Variants in TNNI3K observed in about 807,000 individuals in gnomAD.
TNNI3K encodes the protein serine/threonine-protein kinase TNNI3K.
A neutral mutation model predicts 114.5 loss-of-function variants in TNNI3K; 140 were observed. The ratio of observed to expected loss-of-function variants is 1.22; its 90% CI spans 1.07 to 1.41. TNNI3K has a LOEUF of 1.41. TNNI3K is among the 40% of genes most tolerant of loss of function. The pLI is 0.00. For missense variants in TNNI3K, 1,125 were observed against 1,007.6 expected (o/e 1.12, Z -1.58); for synonymous variants, 347 against 347.5 (o/e 1.00, Z 0.02).
chr1:74,267,367 C>T (rs1040968878), intron 4 of TNNI3K, among the ~76,000 whole-genome samples: 4 of 151,868 alleles, frequency 2.6e-5, no homozygotes, highest in African/African-American at 9.7e-5. Context: ...TATGTCCTCT[C>T]AAGTTTTTCC....
intron 9 of TNNI3K, among the ~76,000 whole-genome samples, chr1:74,351,984 C>T (rs565980400): frequency 2.0e-4 from 31 of 152,284 alleles, no homozygotes; most frequent in South Asian, 1.5e-3. Context: ...AGTCATTTTC[C>T]GTCCAGCTTT....
At chr1:74,523,891 A>G (rs1646467347) in intron 23 of TNNI3K, among the ~76,000 whole-genome samples, 2 of 152,130 alleles carry the variant, frequency 1.3e-5, no homozygotes, top group East Asian at 3.9e-4. Context: ...TGTCATCTAC[A>G]TTAAACATTT....
At chr1:74,500,495 T>C (rs1669561811) in intron 23 of TNNI3K, among the ~76,000 whole-genome samples, 1 of 149,880 alleles carries the variant, frequency 6.7e-6, no homozygotes, top group African/African-American at 2.4e-5. Flanking sequence ...TCCCAGCTAC[T>C]TGGGAGGCTG....
intron 21 of TNNI3K, chr1:74,483,199 G>A (rs1230137334): frequency 1.1e-5 from 8 of 707,900 alleles, no homozygotes; most frequent in Admixed American, 8.1e-5. Context: ...TACAATGAAA[G>A]GTATGGCAAC....
chr1:74,345,236 G>A (rs898144362), intron 9 of TNNI3K, among the ~76,000 whole-genome samples: 1 of 152,008 alleles, frequency 6.6e-6, no homozygotes, highest in Non-Finnish European at 1.5e-5. Context: ...CACTGAGATG[G>A]TAGTTTTTTT....
intron 21 of TNNI3K, chr1:74,480,203 G>T: frequency 1.4e-6 from 1 of 717,482 alleles, no homozygotes; most frequent in South Asian, 1.5e-5. Flanking sequence ...TGGGAGGAGG[G>T]GACTTCTGTC....
Position 74,492,222 on chromosome 1 carries a change from G to C in TNNI3K, c.2307G>C (p.Leu769Phe). ...CAGCATTAAGAAGTCGTTTCGAATTGGAATATGCTCTAAATGCAAGGTCCT... is the reference window on the plus strand; with the variant it reads ...CAGCATTAAGAAGTCGTTTCGAATTCGAATATGCTCTAAATGCAAGGTCCT... ...HVAALRSRFE[L>F]EYALNARSYA... Residue 769 changes from leucine (L) to phenylalanine (F), a missense_variant, in exon 23 of 25, where the codon TTG (leucine) becomes TTC (phenylalanine). Physicochemically the swap from Leu to Phe is conservative, Grantham distance 22. Transcript: ENST00000326637. The C allele has an allele frequency of 2.5e-6, 4 of 1,612,362 alleles. No homozygotes were observed. In the South Asian group the frequency reaches 4.4e-5, roughly 18 times the overall value.
intron 5 of TNNI3K, among the ~76,000 whole-genome samples, chr1:74,325,931 C>A (rs949086460): frequency 1.3e-5 from 2 of 152,126 alleles, no homozygotes; most frequent in Non-Finnish European, 2.9e-5. Context: ...TTTACTAATG[C>A]AGATTTTTCC....
chr1:74,443,317 A>G (rs890751681), intron 20 of TNNI3K, among the ~76,000 whole-genome samples: 1 of 152,146 alleles, frequency 6.6e-6, no homozygotes, highest in Non-Finnish European at 1.5e-5. Flanking sequence ...ATAAAAAATG[A>G]TAAAGAGGAT....
chr1:74,274,212 A>G (rs1360611333), intron 5 of TNNI3K, among the ~76,000 whole-genome samples: 1 of 152,048 alleles, frequency 6.6e-6, no homozygotes, highest in Non-Finnish European at 1.5e-5. Flanking sequence ...ATTAGAAAAT[A>G]TATTTACTAT....
chr1:74,473,846 C>G (rs2100743744), intron 21 of TNNI3K, among the ~76,000 whole-genome samples: 1 of 152,182 alleles, frequency 6.6e-6, no homozygotes, highest in South Asian at 2.1e-4. Flanking sequence ...TTCTGTGACT[C>G]AAAGATAAAC....
At chr1:74,421,490 G>T (rs908112051) in intron 17 of TNNI3K, among the ~76,000 whole-genome samples, 17 of 152,066 alleles carry the variant, frequency 1.1e-4, no homozygotes, top group African/African-American at 4.1e-4. Context: ...GCAATTTGAG[G>T]TAATTTTTTA....
chr1:74,484,169 G>T (rs575284189), intron 21 of TNNI3K, among the ~76,000 whole-genome samples: 2 of 147,862 alleles, frequency 1.4e-5, no homozygotes, highest in African/African-American at 5.0e-5. Context: ...TGAATTTTAT[G>T]TTCAAAAAAG....
At chr1:74,262,361 G>A (rs931548411) in intron 4 of TNNI3K, among the ~76,000 whole-genome samples, 2 of 151,818 alleles carry the variant, frequency 1.3e-5, no homozygotes, top group African/African-American at 4.8e-5. Context: ...CCCCTGAGAG[G>A]CAAAAATCAC....
At chr1:74,370,828 T>C (rs1414651099) in intron 17 of TNNI3K, 1 of 152,286 alleles carries the variant, frequency 6.6e-6, no homozygotes, top group Non-Finnish European at 1.5e-5. Context: ...TACCTAGTTA[T>C]CAGGTAAAGA....
intron 22 of TNNI3K, among the ~76,000 whole-genome samples, chr1:74,491,394 A>G (rs1376252053): frequency 6.6e-6 from 1 of 152,040 alleles, no homozygotes; most frequent in Non-Finnish European, 1.5e-5. Flanking sequence ...TAATTTTTGT[A>G]TTTTTATTAG....
At chr1:74,443,405 C>G (rs1239685342) in intron 20 of TNNI3K, among the ~76,000 whole-genome samples, 1 of 152,034 alleles carries the variant, frequency 6.6e-6, no homozygotes, top group African/African-American at 2.4e-5. Flanking sequence ...ACTAGACAAT[C>G]TAGAAGAAAT....
intron 17 of TNNI3K, among the ~76,000 whole-genome samples, chr1:74,386,940 A>T (rs1663512762): frequency 6.6e-6 from 1 of 152,316 alleles, no homozygotes; most frequent in African/African-American, 2.4e-5. Flanking sequence ...TATTAAGGAT[A>T]TGTACTCATT....
At chr1:74,503,454 C>T (rs1669736957) in intron 23 of TNNI3K, among the ~76,000 whole-genome samples, 1 of 152,194 alleles carries the variant, frequency 6.6e-6, no homozygotes, top group South Asian at 2.1e-4. Flanking sequence ...CTCACTTCAG[C>T]AGTGTCTTCT....
Sources: allele counts gnomAD v4.1 joint callset (sites outside exome capture counted in the v4.1 genomes callset), GRCh38; gene constraint gnomAD v4.1.1; transcripts MANE v1.5; gene names NCBI Gene and HGNC (gene_info 2026-07-23, HGNC 2026-07-21).